CSMD1: variants seen among roughly 807,000 people sequenced by gnomAD.
CSMD1 encodes CUB and sushi domain-containing protein 1.
CSMD1 carries 213 observed loss-of-function variants against 417.5 expected under a neutral mutation model. That is an observed-to-expected ratio of 0.51 (90% confidence interval 0.46 to 0.57). The LOEUF is 0.57. Among genes scored for constraint, CSMD1 ranks in the 20% least tolerant of loss-of-function variants. CSMD1 has a pLI of 0.00. For synonymous variants in CSMD1, 2,862 were observed against 1,736.8 expected (o/e 1.65, Z -16.11); for missense variants, 6,923 against 4,529.7 (o/e 1.53, Z -15.17).
At chr8:3,876,732 C>T (rs1187134361) in intron 5 of CSMD1, among the ~76,000 whole-genome samples, 1 of 152,154 alleles carries the variant, frequency 6.6e-6, no homozygotes, top group Non-Finnish European at 1.5e-5. Flanking sequence ...GCCTTGGCCT[C>T]CTGAGTACCT....
At chr8:4,220,242 T>G (rs1410801232) in intron 3 of CSMD1, among the ~76,000 whole-genome samples, 5 of 152,200 alleles carry the variant, frequency 3.3e-5, no homozygotes, top group East Asian at 3.9e-4. Context: ...TGAGCCACCA[T>G]GCCCAGTCTC....
intron 40 of CSMD1, among the ~76,000 whole-genome samples, chr8:3,149,944 G>C (rs62490185): frequency 0.11 from 16,486 of 152,148 alleles, 1,211 homozygotes; most frequent in African/African-American, 0.21. Context: ...GTCCTTAAGA[G>C]CGCTAGTGCT....
At chr8:3,122,620 C>T (rs1037747038) in intron 41 of CSMD1, among the ~76,000 whole-genome samples, 4 of 152,076 alleles carry the variant, frequency 2.6e-5, no homozygotes, top group Admixed American at 6.6e-5. Context: ...ATACTATTCT[C>T]GTGATAGTGA....
chr8:3,954,505 T>C (rs891982751), intron 5 of CSMD1, among the ~76,000 whole-genome samples: 1 of 152,166 alleles, frequency 6.6e-6, no homozygotes, highest in Non-Finnish European at 1.5e-5. Context: ...TAGCTGGGAT[T>C]ACAGGCACCC....
At chr8:4,033,130 G>GGA (rs1274987430) in intron 3 of CSMD1, among the ~76,000 whole-genome samples, 12 of 80,652 alleles carry the variant, frequency 1.5e-4, no homozygotes, top group African/African-American at 6.2e-4. Context: ...TTTCCAATAT[G>GGA]AAAAAAAAAA....
chr8:4,719,888 A>G (rs890699752), intron 1 of CSMD1, among the ~76,000 whole-genome samples: 3 of 152,124 alleles, frequency 2.0e-5, no homozygotes, highest in Non-Finnish European at 4.4e-5. Flanking sequence ...CAGGGCTCAC[A>G]TATCTATATT....
chr8:3,262,792 C>A (rs1449139229), intron 26 of CSMD1, among the ~76,000 whole-genome samples: 1 of 151,884 alleles, frequency 6.6e-6, no homozygotes. Flanking sequence ...TAAAAACATG[C>A]CATAATGTAT....
chr8:3,926,411 G>C (rs1261874720), intron 5 of CSMD1, among the ~76,000 whole-genome samples: 4 of 149,452 alleles, frequency 2.7e-5, no homozygotes, highest in Non-Finnish European at 4.5e-5. Flanking sequence ...CTTTTGTTGA[G>C]ATATTACCAG....
At chr8:4,663,140 G>C (rs1413422182) in intron 1 of CSMD1, among the ~76,000 whole-genome samples, 2 of 152,178 alleles carry the variant, frequency 1.3e-5, no homozygotes, top group Non-Finnish European at 2.9e-5. Flanking sequence ...GAAGGGATCT[G>C]TGTCATTTCC....
At chr8:4,535,962 G>A (rs1261850460) in intron 2 of CSMD1, among the ~76,000 whole-genome samples, 3 of 151,492 alleles carry the variant, frequency 2.0e-5, no homozygotes, top group African/African-American at 4.9e-5. Context: ...CAATGTTGAT[G>A]TAATTATTTG....
chr8:4,018,816 A>G (rs552683268), intron 4 of CSMD1, among the ~76,000 whole-genome samples: 82 of 152,312 alleles, frequency 5.4e-4, no homozygotes, highest in Non-Finnish European at 9.1e-4. Flanking sequence ...CCCCACATAC[A>G]GCGTGGGACC....
chr8:4,313,845 C>G (rs940951091), intron 3 of CSMD1, among the ~76,000 whole-genome samples: 5 of 151,920 alleles, frequency 3.3e-5, no homozygotes, highest in Admixed American at 6.6e-5. Context: ...GAAACCTCAT[C>G]TCTACTAAAA....
At chr8:3,954,895 G>A (rs114546032) in intron 5 of CSMD1, among the ~76,000 whole-genome samples, 99 of 152,274 alleles carry the variant, frequency 6.5e-4, no homozygotes, top group African/African-American at 2.3e-3. Context: ...AGGGTACGTG[G>A]AAACTCATGC....
chr8:4,069,151 G>C (rs146046644), intron 3 of CSMD1, among the ~76,000 whole-genome samples: 2 of 152,072 alleles, frequency 1.3e-5, no homozygotes, highest in African/African-American at 4.8e-5. Context: ...TAGGAGACTG[G>C]TTGCAAATAT....
chr8:3,976,704 C>T (rs1384623202), intron 5 of CSMD1, among the ~76,000 whole-genome samples: 1 of 152,126 alleles, frequency 6.6e-6, no homozygotes, highest in Non-Finnish European at 1.5e-5. Flanking sequence ...CTTATGAACC[C>T]TTTTAATCTC....
intron 49 of CSMD1, among the ~76,000 whole-genome samples, chr8:3,071,289 G>A (rs896149700): frequency 2.0e-5 from 3 of 152,062 alleles, no homozygotes; most frequent in African/African-American, 7.2e-5. Flanking sequence ...AATGTAAGTG[G>A]GAGATGAACA....
intron 9 of CSMD1, among the ~76,000 whole-genome samples, chr8:3,579,340 T>TG (rs1563170437): frequency 8.1e-6 from 1 of 123,752 alleles, no homozygotes; most frequent in African/African-American, 2.9e-5. Flanking sequence ...TCTTACTTAA[T>TG]AAAAGTAATA....
chr8:3,748,410 G>C (rs575788907), intron 6 of CSMD1, among the ~76,000 whole-genome samples: 54 of 152,174 alleles, frequency 3.5e-4, no homozygotes, highest in African/African-American at 1.3e-3. Flanking sequence ...CATGGAAACA[G>C]GCAGGAGGCC....
intron 3 of CSMD1, among the ~76,000 whole-genome samples, chr8:4,043,991 A>T (rs1368459973): frequency 6.6e-6 from 1 of 151,818 alleles, no homozygotes; most frequent in African/African-American, 2.4e-5. Flanking sequence ...ATGCAACTGT[A>T]ATGTCAGAAA....
Sources: gnomAD v4.1 joint callset for allele counts (sites outside exome capture counted in the v4.1 genomes callset) on GRCh38, gnomAD v4.1.1 for gene constraint, MANE v1.5 for transcripts, NCBI Gene and HGNC (gene_info 2026-07-23, HGNC 2026-07-21) for gene names.